TMEM87B: variants seen among roughly 807,000 people sequenced by gnomAD.
TMEM87B encodes the protein transmembrane protein 87B.
In TMEM87B, 83 loss-of-function variants were observed where a neutral mutation model predicts 80.3. The ratio of observed to expected loss-of-function variants is 1.03; its 90% CI spans 0.87 to 1.24. TMEM87B has a LOEUF of 1.24. Among genes scored for constraint, TMEM87B ranks in the 50% most tolerant of loss-of-function variants. The probability of loss-of-function intolerance (pLI) is 0.00; values close to 1 mark genes in which losing one functional copy is unlikely to be tolerated. For missense variants in TMEM87B, 625 were observed against 674.4 expected (o/e 0.93, Z 0.81); for synonymous variants, 219 against 230.5 (o/e 0.95, Z 0.45).
chr2:112,080,398 T>C (rs1040529762), intron 6 of TMEM87B, among the ~76,000 whole-genome samples: 11 of 152,156 alleles, frequency 7.2e-5, no homozygotes, highest in Non-Finnish European at 1.5e-4. Context: ...TAGCTGGGAC[T>C]ACAGGTGCTC....
chr2:112,072,552 TGCATA>T (rs1678681585), intron 4 of TMEM87B, among the ~76,000 whole-genome samples: 2 of 152,318 alleles, frequency 1.3e-5, no homozygotes, highest in East Asian at 3.9e-4. Flanking sequence ...CTAGTTTGTG[TGCATA>T]GAGGCATTGA....
intron 2 of TMEM87B, among the ~76,000 whole-genome samples, chr2:112,060,724 A>G (rs940996875): frequency 4.0e-5 from 6 of 151,892 alleles, no homozygotes; most frequent in Non-Finnish European, 8.8e-5. Context: ...TTTAGTAAAG[A>G]TGGGGTTTCA....
chr2:112,107,012 G>A (rs1345401400), intron 16 of TMEM87B, among the ~76,000 whole-genome samples: 1 of 152,206 alleles, frequency 6.6e-6, no homozygotes, highest in Non-Finnish European at 1.5e-5. Context: ...CTTGCCTCCT[G>A]TAGGGAGATG....
chr2:112,112,335 TC>T (rs1236532835), intron 17 of TMEM87B, among the ~76,000 whole-genome samples: 3 of 152,248 alleles, frequency 2.0e-5, no homozygotes, highest in Non-Finnish European at 4.4e-5. Context: ...CTGGCAGACA[TC>T]CAGGCAGTGG....
chr2:112,103,124 T>G (rs10779883), intron 15 of TMEM87B, among the ~76,000 whole-genome samples: 151,131 of 152,360 alleles, frequency 0.99, 74,957 homozygotes, highest in East Asian at 1. Flanking sequence ...ATAGGGTATA[T>G]GTCCAATGTA....
At chr2:112,089,412 T>G (rs957966546) in intron 9 of TMEM87B, among the ~76,000 whole-genome samples, 1 of 152,254 alleles carries the variant, frequency 6.6e-6, no homozygotes, top group Non-Finnish European at 1.5e-5. Flanking sequence ...CAAATATTGC[T>G]TCAAAGGCAT....
chr2:112,109,680 T>C (rs1679858924), intron 17 of TMEM87B, among the ~76,000 whole-genome samples: 1 of 147,730 alleles, frequency 6.8e-6, no homozygotes, highest in Non-Finnish European at 1.5e-5. Flanking sequence ...TTTTTTTTTT[T>C]TTTTTTGTCT....
chr2:112,061,321 C>T (rs1202349700), intron 2 of TMEM87B, among the ~76,000 whole-genome samples: 3 of 152,134 alleles, frequency 2.0e-5, no homozygotes, highest in African/African-American at 7.2e-5. Context: ...CAGTTTTTTG[C>T]TGGGTAGAGC....
At chr2:112,060,858 T>A (rs894099473) in intron 2 of TMEM87B, among the ~76,000 whole-genome samples, 2 of 152,192 alleles carry the variant, frequency 1.3e-5, no homozygotes, top group African/African-American at 4.8e-5. Context: ...ATTTTTCTGA[T>A]CTTCTTTCAG....
At chr2:112,074,429 T>G (rs1678748969) in intron 4 of TMEM87B, among the ~76,000 whole-genome samples, 1 of 152,194 alleles carries the variant, frequency 6.6e-6, no homozygotes, top group Non-Finnish European at 1.5e-5. Context: ...GTGGAGAGGC[T>G]TAATGTTAAT....
intron 1 of TMEM87B, among the ~76,000 whole-genome samples, 186 bp from the exon 2 acceptor site, chr2:112,059,791 G>A (rs1447397841): frequency 2.0e-5 from 3 of 152,088 alleles, no homozygotes; most frequent in Non-Finnish European, 4.4e-5. Context: ...TGATCCTCAG[G>A]GTAACTGCAG....
At chr2:112,073,258 C>G (rs746645101) in intron 4 of TMEM87B, among the ~76,000 whole-genome samples, 1 of 152,152 alleles carries the variant, frequency 6.6e-6, no homozygotes, top group Admixed American at 6.5e-5. Flanking sequence ...AAATTTCCCT[C>G]TTAATATTGC....
At chr2:112,095,404 C>G (rs1416050684) in intron 11 of TMEM87B, 8 of 984,390 alleles carry the variant, frequency 8.1e-6, no homozygotes, top group Admixed American at 6.2e-5. Context: ...TACACTTTAC[C>G]TAAATTTAAC....
chr2:112,100,908 C>T (rs7583755), intron 15 of TMEM87B, among the ~76,000 whole-genome samples: 27,049 of 151,948 alleles, frequency 0.18, 3,542 homozygotes, highest in East Asian at 0.7. Flanking sequence ...TTACTCATTT[C>T]GTAAAATGTT....
At chr2:112,092,890 C>T (rs1679346626) in intron 11 of TMEM87B, among the ~76,000 whole-genome samples, 1 of 152,178 alleles carries the variant, frequency 6.6e-6, no homozygotes, top group Admixed American at 6.5e-5. Flanking sequence ...ATGCATATCC[C>T]AGAACATTCT....
intron 13 of TMEM87B, among the ~76,000 whole-genome samples, chr2:112,097,712 C>CAAAA (rs68175814): frequency 1.0e-4 from 6 of 57,236 alleles, no homozygotes; most frequent in East Asian, 5.6e-4. Context: ...GACTCCATCT[C>CAAAA]AAAAAAAAAA....
At chr2:112,082,695 T>C (rs925634363) in intron 8 of TMEM87B, among the ~76,000 whole-genome samples, 9 of 152,134 alleles carry the variant, frequency 5.9e-5, no homozygotes. Flanking sequence ...TGTGCGTGCA[T>C]GTGTGCTCTA....
intron 8 of TMEM87B, among the ~76,000 whole-genome samples, chr2:112,082,877 G>A (rs768357704): frequency 1.3e-5 from 2 of 152,180 alleles, no homozygotes; most frequent in Non-Finnish European, 2.9e-5. Flanking sequence ...TCCATGAAGA[G>A]GTAAGAGGCC....
chr2:112,087,490 G>A (rs1407036582), intron 9 of TMEM87B, among the ~76,000 whole-genome samples: 3 of 151,594 alleles, frequency 2.0e-5, no homozygotes, highest in East Asian at 3.9e-4. Context: ...CTGCATCTGT[G>A]CCCCCAGACC....
Sources: gnomAD v4.1 joint callset for allele counts (sites outside exome capture counted in the v4.1 genomes callset) on GRCh38, gnomAD v4.1.1 for gene constraint, MANE v1.5 for transcripts, NCBI Gene and HGNC (gene_info 2026-07-23, HGNC 2026-07-21) for gene names.